ULK4: variants seen among roughly 807,000 people sequenced by gnomAD.
The protein encoded by ULK4 is unc-51 like kinase 4, also known as inactive serine/threonine-protein kinase ULK4.
ULK4 carries 133 observed loss-of-function variants against 160.6 expected under a neutral mutation model. The ratio of observed to expected loss-of-function variants is 0.83; its 90% CI spans 0.72 to 0.96. The LOEUF (loss-of-function observed/expected upper bound fraction) is 0.96, where lower values mean the gene tolerates loss of function less well. Ranked by LOEUF, ULK4 falls within the 40% of genes least tolerant of loss-of-function variation. ULK4 has a pLI of 0.00. For synonymous variants in ULK4, 534 were observed against 539.8 expected (o/e 0.99, Z 0.15); for missense variants, 1,580 against 1,499.5 (o/e 1.05, Z -0.89).
At chr3:41,477,592 A>G (rs1165613521) in intron 32 of ULK4, among the ~76,000 whole-genome samples, 2 of 152,254 alleles carry the variant, frequency 1.3e-5, no homozygotes, top group Non-Finnish European at 2.9e-5. Flanking sequence ...ATTCTTTCCC[A>G]AACTGATCAA....
At chr3:41,637,322 C>G (rs1193864135) in intron 30 of ULK4, among the ~76,000 whole-genome samples, 1 of 152,114 alleles carries the variant, frequency 6.6e-6, no homozygotes, top group African/African-American at 2.4e-5. Context: ...ATTTATTTGA[C>G]TTAATATAAC....
chr3:41,716,302 G>A (rs1338114739), intron 23 of ULK4, among the ~76,000 whole-genome samples: 3 of 151,166 alleles, frequency 2.0e-5, no homozygotes, highest in Admixed American at 6.6e-5. Context: ...AAAAAAAAGA[G>A]AATAGGTTGG....
chr3:41,321,438 G>T (rs1369472026), intron 35 of ULK4, among the ~76,000 whole-genome samples: 1 of 152,074 alleles, frequency 6.6e-6, no homozygotes, highest in Non-Finnish European at 1.5e-5. Flanking sequence ...GTCGTGGATG[G>T]TGTCCTTTAA....
At chr3:41,359,790 G>C (rs1012782705) in intron 35 of ULK4, among the ~76,000 whole-genome samples, 7 of 152,120 alleles carry the variant, frequency 4.6e-5, no homozygotes, top group African/African-American at 1.7e-4. Context: ...ATGGAGTAGA[G>C]ACTTAAATGT....
At chr3:41,595,684 G>A (rs2031644725) in intron 31 of ULK4, among the ~76,000 whole-genome samples, 1 of 152,126 alleles carries the variant, frequency 6.6e-6, no homozygotes. Context: ...AACAAGTGAG[G>A]GTGGTCATTT....
At chr3:41,348,871 C>T (rs140879691) in intron 35 of ULK4, among the ~76,000 whole-genome samples, 134 of 152,258 alleles carry the variant, frequency 8.8e-4, no homozygotes, top group African/African-American at 3.2e-3. Flanking sequence ...GTCCTTAATT[C>T]TTAGCTTCTG....
chr3:41,728,968 G>A (rs570242818), intron 22 of ULK4, among the ~76,000 whole-genome samples: 4 of 152,210 alleles, frequency 2.6e-5, no homozygotes, highest in Non-Finnish European at 5.9e-5. Flanking sequence ...AGAACTTGTA[G>A]TTTTACACTG....
intron 19 of ULK4, among the ~76,000 whole-genome samples, chr3:41,812,078 A>C (rs931272992): frequency 3.3e-5 from 5 of 152,126 alleles, no homozygotes; most frequent in African/African-American, 1.2e-4. Context: ...TTAAGCCAGT[A>C]GTTCAATACA....
At chr3:41,287,210 C>T (rs1559505469) in intron 35 of ULK4, among the ~76,000 whole-genome samples, 1 of 152,014 alleles carries the variant, frequency 6.6e-6, no homozygotes, top group Non-Finnish European at 1.5e-5. Flanking sequence ...GAGCTAAGAG[C>T]AGAGATGAAG....
At position 41,398,059 on chromosome 3, in the gene ULK4, C is replaced by T. The variant is rs753019162; in HGVS notation, c.3678+20G>A. The T allele has an allele frequency of 1.7e-5, 27 of 1,602,700 alleles. No individual in the cohort carries two copies. The highest frequency in any genetic ancestry group is 6.7e-5 in the African/African-American group (5 of 74,276). On this transcript the variant is annotated intron_variant, in intron 35 of 36. Transcript: ENST00000301831. ...CCAGCAAAGCCACCCACAGTGTCCC[C>T]GGTTTCTGTGTGAACTCACCATTCT...
At chr3:41,324,811 C>T (rs2080310460) in intron 35 of ULK4, among the ~76,000 whole-genome samples, 1 of 152,228 alleles carries the variant, frequency 6.6e-6, no homozygotes, top group South Asian at 2.1e-4. Flanking sequence ...CCTTCTTCAT[C>T]TTGTACATTG....
At chr3:41,247,340 C>T (rs1293281028) in intron 36 of ULK4, among the ~76,000 whole-genome samples, 1 of 152,196 alleles carries the variant, frequency 6.6e-6, no homozygotes, top group Non-Finnish European at 1.5e-5. Flanking sequence ...TTATGTGTCC[C>T]AGACCCACTC....
intron 35 of ULK4, among the ~76,000 whole-genome samples, chr3:41,317,136 C>T (rs1346117195): frequency 1.5e-5 from 2 of 132,388 alleles, no homozygotes; most frequent in African/African-American, 2.9e-5. Context: ...ACTGCAGTGG[C>T]GCAATCTCGG....
intron 11 of ULK4, among the ~76,000 whole-genome samples, chr3:41,908,645 C>T (rs1355012175): frequency 6.6e-6 from 1 of 151,940 alleles, no homozygotes. Flanking sequence ...AGGGTTTCAC[C>T]ATCTTGACCA....
chr3:41,418,212 C>T (rs1416022726), intron 34 of ULK4, among the ~76,000 whole-genome samples: 1 of 152,060 alleles, frequency 6.6e-6, no homozygotes, highest in Non-Finnish European at 1.5e-5. Context: ...CTTTTGACTT[C>T]CCCAAACTTA....
At chr3:41,265,155 G>A (rs1367648117) in intron 35 of ULK4, among the ~76,000 whole-genome samples, 1 of 152,204 alleles carries the variant, frequency 6.6e-6, no homozygotes, top group Non-Finnish European at 1.5e-5. Context: ...ACTGGGCACC[G>A]AGCCTCAGTC....
chr3:41,833,274 GTT>G (rs544697085), intron 18 of ULK4, among the ~76,000 whole-genome samples: 10,180 of 135,122 alleles, frequency 0.075, 1,048 homozygotes, highest in African/African-American at 0.24. Flanking sequence ...TTCTTAAGTT[GTT>G]TTTTTTTTTG....
chr3:41,712,239 G>A (rs1395924176), intron 25 of ULK4, among the ~76,000 whole-genome samples: 1 of 152,160 alleles, frequency 6.6e-6, no homozygotes, highest in Non-Finnish European at 1.5e-5. Flanking sequence ...ATGCCCTAGT[G>A]CCATTATAAA....
At chr3:41,770,572 C>T (rs1323699387) in intron 21 of ULK4, among the ~76,000 whole-genome samples, 5 of 148,192 alleles carry the variant, frequency 3.4e-5, no homozygotes, top group African/African-American at 1.3e-4. Flanking sequence ...TGCAGTGGAG[C>T]AATCCTGGCT....
Sources: gnomAD v4.1 joint callset for allele counts (sites outside exome capture counted in the v4.1 genomes callset) on GRCh38, gnomAD v4.1.1 for gene constraint, MANE v1.5 for transcripts, NCBI Gene and HGNC (gene_info 2026-07-23, HGNC 2026-07-21) for gene names.